The following MIR2052HG variants were observed in gnomAD, a reference collection of about 807,000 sequenced individuals.
The protein encoded by MIR2052HG is MIR2052 host gene.
chr8:74,600,900 G>A (rs116938738), intron 1 of MIR2052HG, among the ~76,000 whole-genome samples: 2,433 of 152,244 alleles, frequency 0.016, 23 homozygotes, highest in Non-Finnish European at 0.02. Flanking sequence ...ATGCTGTGAC[G>A]TATAGGTGTA....
intron 2 of MIR2052HG, among the ~76,000 whole-genome samples, chr8:74,669,149 A>G (rs1438113000): frequency 6.6e-6 from 1 of 152,196 alleles, no homozygotes; most frequent in Non-Finnish European, 1.5e-5. Flanking sequence ...ATGCTCAGAA[A>G]TGAATCCTTG....
chr8:74,727,009 T>C (rs765274884), intron 4 of MIR2052HG, among the ~76,000 whole-genome samples: 6 of 152,232 alleles, frequency 3.9e-5, no homozygotes, highest in Non-Finnish European at 5.9e-5. Flanking sequence ...TTCTTGGTCA[T>C]TGGGAAAAAA....
chr8:74,668,834 A>G (rs952127518), intron 2 of MIR2052HG, among the ~76,000 whole-genome samples: 1 of 152,198 alleles, frequency 6.6e-6, no homozygotes, highest in Admixed American at 6.5e-5. Flanking sequence ...AGGACATCCT[A>G]TCCTTGAACT....
At chr8:74,627,958 T>C (rs1808457953) in intron 2 of MIR2052HG, among the ~76,000 whole-genome samples, 1 of 152,060 alleles carries the variant, frequency 6.6e-6, no homozygotes, top group Admixed American at 6.6e-5. Context: ...ACGGGCTGAG[T>C]TGATTGTTGG....
At chr8:74,707,364 GT>G (rs918686782) in intron 4 of MIR2052HG, among the ~76,000 whole-genome samples, 1 of 152,118 alleles carries the variant, frequency 6.6e-6, no homozygotes, top group African/African-American at 2.4e-5. Context: ...TACAAAGTCT[GT>G]GAAATAAAAA....
At chr8:74,712,912 C>T (rs111517480) in intron 4 of MIR2052HG, among the ~76,000 whole-genome samples, 3,182 of 151,932 alleles carry the variant, frequency 0.021, 92 homozygotes, top group African/African-American at 0.071. Flanking sequence ...TGTGTTACAG[C>T]GGGGAATGCA....
intron 2 of MIR2052HG, among the ~76,000 whole-genome samples, chr8:74,626,408 G>T (rs1405552937): frequency 6.6e-6 from 1 of 152,094 alleles, no homozygotes; most frequent in African/African-American, 2.4e-5. Context: ...TACAGGGATT[G>T]GGCCATTTCT....
At chr8:74,675,985 CAG>C (rs1176512428) in intron 2 of MIR2052HG, among the ~76,000 whole-genome samples, 1 of 151,778 alleles carries the variant, frequency 6.6e-6, no homozygotes, top group Non-Finnish European at 1.5e-5. Flanking sequence ...GTTTAATAGC[CAG>C]AGAGAGGAAA....
chr8:74,603,449 T>G (rs1808055762), intron 1 of MIR2052HG: 7 of 1,607,322 alleles, frequency 4.4e-6, no homozygotes, highest in Non-Finnish European at 6.0e-6. Context: ...ATCTGACGGA[T>G]CTCATTTATT....
At chr8:74,698,095 G>A (rs1194569540) in intron 2 of MIR2052HG, among the ~76,000 whole-genome samples, 1 of 152,094 alleles carries the variant, frequency 6.6e-6, no homozygotes, top group Non-Finnish European at 1.5e-5. Flanking sequence ...CACATTACCT[G>A]ACTTCAAACC....
At chr8:74,676,473 G>A (rs1809053828) in intron 2 of MIR2052HG, among the ~76,000 whole-genome samples, 3 of 151,620 alleles carry the variant, frequency 2.0e-5, no homozygotes, top group East Asian at 1.9e-4. Context: ...AAAAATAGAA[G>A]TAGAGGATAT....
chr8:74,610,830 C>A (rs918486627), intron 1 of MIR2052HG, among the ~76,000 whole-genome samples: 3 of 151,920 alleles, frequency 2.0e-5, no homozygotes, highest in African/African-American at 4.8e-5. Flanking sequence ...TACCTTACAT[C>A]ATATACAAAA....
chr8:74,668,990 A>G (rs1425122962), intron 2 of MIR2052HG, among the ~76,000 whole-genome samples: 5 of 152,144 alleles, frequency 3.3e-5, no homozygotes, highest in African/African-American at 7.2e-5. Flanking sequence ...CCTTCTCACA[A>G]TGAATTTCAG....
chr8:74,674,842 T>TTA (rs1809033845), intron 2 of MIR2052HG, among the ~76,000 whole-genome samples: 1 of 151,900 alleles, frequency 6.6e-6, no homozygotes, highest in African/African-American at 2.4e-5. Flanking sequence ...ATACTATATG[T>TTA]TATATATACT....
At chr8:74,659,788 T>G (rs1012450698) in intron 2 of MIR2052HG, among the ~76,000 whole-genome samples, 1 of 152,178 alleles carries the variant, frequency 6.6e-6, no homozygotes, top group African/African-American at 2.4e-5. Flanking sequence ...ATTTATGAAC[T>G]TCCTCTTTAT....
chr8:74,607,539 G>A (rs1460317325), intron 1 of MIR2052HG, among the ~76,000 whole-genome samples: 1 of 152,144 alleles, frequency 6.6e-6, no homozygotes, highest in African/African-American at 2.4e-5. Flanking sequence ...TTGAACCCAG[G>A]AGGCAGAGGT....
intron 1 of MIR2052HG, among the ~76,000 whole-genome samples, chr8:74,602,225 C>A (rs544131382): frequency 6.6e-6 from 1 of 152,164 alleles, no homozygotes; most frequent in African/African-American, 2.4e-5. Context: ...TGAAAGTGAC[C>A]TTTGATCATC....
At chr8:74,733,856 G>T (rs1423712783) in intron 4 of MIR2052HG, among the ~76,000 whole-genome samples, 1 of 151,252 alleles carries the variant, frequency 6.6e-6, no homozygotes, top group Admixed American at 6.6e-5. Flanking sequence ...TTTTTCATGT[G>T]TTTTTTGGCT....
intron 2 of MIR2052HG, among the ~76,000 whole-genome samples, chr8:74,676,101 G>T (rs1041407259): frequency 1.3e-5 from 2 of 151,962 alleles, no homozygotes; most frequent in Admixed American, 1.3e-4. Context: ...TTACAAATTA[G>T]AATTGCAAAC....
Sources: gnomAD v4.1 joint callset for allele counts (sites outside exome capture counted in the v4.1 genomes callset) on GRCh38, gnomAD v4.1.1 for gene constraint, MANE v1.5 for transcripts, NCBI Gene and HGNC (gene_info 2026-07-23, HGNC 2026-07-21) for gene names.